Variants in DPYD observed in about 807,000 individuals in gnomAD.
The protein encoded by DPYD is dihydropyrimidine dehydrogenase [NADP(+)].
A neutral mutation model predicts 116.2 loss-of-function variants in DPYD; 109 were observed. The observed-to-expected ratio is 0.94, with a 90% CI of 0.80 to 1.10. The LOEUF (loss-of-function observed/expected upper bound fraction) is 1.10, where lower values mean the gene tolerates loss of function less well. Among genes scored for constraint, DPYD ranks in the 50% least tolerant of loss-of-function variants. The pLI is 0.00. For synonymous variants in DPYD, 440 were observed against 432.0 expected (o/e 1.02, Z -0.23); for missense variants, 1,302 against 1,254.5 (o/e 1.04, Z -0.57).
At chr1:97,212,607 G>T (rs1399801869) in intron 19 of DPYD, among the ~76,000 whole-genome samples, 1 of 152,032 alleles carries the variant, frequency 6.6e-6, no homozygotes, top group Non-Finnish European at 1.5e-5. Context: ...TTTCCGGATT[G>T]TATGGTACAT....
chr1:97,153,558 A>T, intron 20 of DPYD, among the ~76,000 whole-genome samples: 1 of 152,266 alleles, frequency 6.6e-6, no homozygotes, highest in Non-Finnish European at 1.5e-5. Context: ...AGAAGGTGAC[A>T]TTAAAAAAAA....
At chr1:97,860,955 C>G (rs1322837703) in intron 2 of DPYD, among the ~76,000 whole-genome samples, 2 of 151,644 alleles carry the variant, frequency 1.3e-5, no homozygotes, top group African/African-American at 4.8e-5. Flanking sequence ...GAGATAAAAT[C>G]TAGCTAAATA....
chr1:97,405,982 T>G (rs1486291608), intron 14 of DPYD, among the ~76,000 whole-genome samples: 1 of 152,168 alleles, frequency 6.6e-6, no homozygotes, highest in African/African-American at 2.4e-5. Context: ...TTTGTCAAGC[T>G]TCTCTAGATA....
intron 3 of DPYD, among the ~76,000 whole-genome samples, chr1:97,758,024 C>T (rs1413224): frequency 0.98 from 148,550 of 152,232 alleles, 72,601 homozygotes; most frequent in Middle Eastern, 1. Context: ...TTATCTCATT[C>T]ATAGACATCT....
At chr1:97,312,600 T>C (rs1338209268) in intron 16 of DPYD, among the ~76,000 whole-genome samples, 1 of 151,818 alleles carries the variant, frequency 6.6e-6, no homozygotes, top group South Asian at 2.1e-4. Context: ...TAAACTGACA[T>C]GGAAAGATAT....
chr1:97,776,284 T>A (rs1666404169), intron 3 of DPYD, among the ~76,000 whole-genome samples: 1 of 152,184 alleles, frequency 6.6e-6, no homozygotes. Context: ...CCTCTTTCCT[T>A]TGTTTTATCT....
At chr1:97,735,019 T>G (rs1663843595) in intron 4 of DPYD, among the ~76,000 whole-genome samples, 1 of 152,146 alleles carries the variant, frequency 6.6e-6, no homozygotes, top group South Asian at 2.1e-4. Context: ...CTTAGCAAAT[T>G]AAATTTATAT....
chr1:97,116,595 C>T (rs1557872037), intron 20 of DPYD, among the ~76,000 whole-genome samples: 1 of 151,734 alleles, frequency 6.6e-6, no homozygotes, highest in Non-Finnish European at 1.5e-5. Context: ...TTGCTTGAGC[C>T]CAGGAGGTCA....
intron 13 of DPYD, among the ~76,000 whole-genome samples, chr1:97,509,002 C>T (rs1264491152): frequency 1.3e-5 from 2 of 151,904 alleles, no homozygotes; most frequent in East Asian, 1.9e-4. Context: ...GGCCTAATCA[C>T]GTCAGCTGAG....
chr1:97,235,009 A>T lies in DPYD; in HGVS notation c.2300-15T>A. On this transcript the variant is annotated splice_polypyrimidine_tract_variant and intron_variant, in intron 18 of 22. Coordinates refer to ENST00000370192, the MANE Select transcript of DPYD (RefSeq NM_000110.4). ...GATTGCTGTCCCTACACAAAATCAGAATAATCAATGGTTAGCACACTGACC... is the reference window on the plus strand; with the variant it reads ...GATTGCTGTCCCTACACAAAATCAGTATAATCAATGGTTAGCACACTGACC... 1 of 1,614,128 alleles carries T rather than the reference A, an allele frequency of 6.2e-7. No individual in the cohort carries two copies. Among genetic ancestry groups the T allele is most frequent in the Non-Finnish European group, 8.5e-7 (1 of 1,179,994 alleles).
intron 5 of DPYD, among the ~76,000 whole-genome samples, chr1:97,715,010 G>A (rs1662531447): frequency 6.6e-6 from 1 of 152,088 alleles, no homozygotes; most frequent in Admixed American, 6.6e-5. Context: ...ATGTAAAATG[G>A]AAATAATAAC....
chr1:97,830,622 A>AT (rs1157904145), intron 2 of DPYD, among the ~76,000 whole-genome samples: 1 of 151,840 alleles, frequency 6.6e-6, no homozygotes, highest in Non-Finnish European at 1.5e-5. Flanking sequence ...AGGCAGGAGA[A>AT]TTCCTTGAAC....
intron 3 of DPYD, among the ~76,000 whole-genome samples, chr1:97,802,774 C>CT (rs1667905829): frequency 6.6e-6 from 1 of 151,806 alleles, no homozygotes; most frequent in Non-Finnish European, 1.5e-5. Context: ...AAAATCAATC[C>CT]TTTTTCTCCT....
At chr1:97,517,664 A>C (rs983969562) in intron 12 of DPYD, among the ~76,000 whole-genome samples, 1 of 152,108 alleles carries the variant, frequency 6.6e-6, no homozygotes, top group African/African-American at 2.4e-5. Flanking sequence ...GCTTTGTGTA[A>C]TCATAATGTA....
At chr1:97,173,538 T>G (rs1657030574) in intron 20 of DPYD, among the ~76,000 whole-genome samples, 1 of 151,272 alleles carries the variant, frequency 6.6e-6, no homozygotes, top group South Asian at 2.1e-4. Flanking sequence ...TTATGTGAAG[T>G]ATTTAGAGTT....
chr1:97,641,804 C>G (rs1397828623), intron 8 of DPYD, among the ~76,000 whole-genome samples: 3 of 152,190 alleles, frequency 2.0e-5, no homozygotes. Context: ...AAGAGGAAGT[C>G]AAATTGTCCC....
chr1:97,754,474 T>A (rs1212457396), intron 3 of DPYD, among the ~76,000 whole-genome samples: 1 of 152,230 alleles, frequency 6.6e-6, no homozygotes, highest in Non-Finnish European at 1.5e-5. Context: ...GCTGTCACAG[T>A]ACGTGGCATG....
intron 3 of DPYD, among the ~76,000 whole-genome samples, chr1:97,782,410 T>C (rs956862799): frequency 8.5e-5 from 13 of 152,202 alleles, no homozygotes; most frequent in Admixed American, 2.6e-4. Flanking sequence ...CAGCTTTGCT[T>C]TGAGCATGTT....
chr1:97,306,416 A>T (rs1396062133), intron 16 of DPYD, 119 bp from the exon 17 acceptor site: 2 of 1,328,602 alleles, frequency 1.5e-6, no homozygotes, highest in Admixed American at 1.7e-5. Flanking sequence ...AATGAGCTAC[A>T]TGATATATTT....
Sources: gnomAD v4.1 joint callset for allele counts (sites outside exome capture counted in the v4.1 genomes callset) on GRCh38, gnomAD v4.1.1 for gene constraint, MANE v1.5 for transcripts, NCBI Gene and HGNC (gene_info 2026-07-23, HGNC 2026-07-21) for gene names.